PDE10A: variants seen among roughly 807,000 people sequenced by gnomAD.
PDE10A encodes phosphodiesterase 10A, also known as cAMP and cAMP-inhibited cGMP 3',5'-cyclic phosphodiesterase 10A.
A neutral mutation model predicts 97.7 loss-of-function variants in PDE10A; 39 were observed. The ratio of observed to expected loss-of-function variants is 0.40; its 90% CI spans 0.31 to 0.52. The LOEUF (loss-of-function observed/expected upper bound fraction) is 0.52, where lower values mean the gene tolerates loss of function less well. Among genes scored for constraint, PDE10A ranks in the 20% least tolerant of loss-of-function variants. The pLI is 0.56. For synonymous variants in PDE10A, 371 were observed against 376.8 expected, an observed-to-expected ratio of 0.98 and a Z score of 0.18; for missense variants, 731 against 1,047.8, an observed-to-expected ratio of 0.70 and a Z score of 4.17.
chr6:165,427,053 C>A (rs1442720230), intron 10 of PDE10A, among the ~76,000 whole-genome samples: 2 of 152,070 alleles, frequency 1.3e-5, no homozygotes, highest in South Asian at 4.1e-4. Context: ...GAAAGTTTGG[C>A]AGTTCCTCAA....
chr6:165,792,774 G>T (rs1042281624), intron 1 of PDE10A, among the ~76,000 whole-genome samples: 1 of 152,140 alleles, frequency 6.6e-6, no homozygotes, highest in Admixed American at 6.5e-5. Flanking sequence ...ACCCCTATCC[G>T]ACCTAACACG....
chr6:165,790,672 C>T (rs1023878836), intron 1 of PDE10A, among the ~76,000 whole-genome samples: 1 of 151,998 alleles, frequency 6.6e-6, no homozygotes, highest in Admixed American at 6.6e-5. Flanking sequence ...CCCCGTCAGC[C>T]GTCTCTGCCC....
At chr6:165,803,496 T>G (rs1409313979) in intron 1 of PDE10A, among the ~76,000 whole-genome samples, 1 of 152,154 alleles carries the variant, frequency 6.6e-6, no homozygotes, top group Non-Finnish European at 1.5e-5. Context: ...AAGAGACAAA[T>G]GCAAACCATG....
At chr6:165,957,912 C>A (rs1784185334) in intron 1 of PDE10A, among the ~76,000 whole-genome samples, 1 of 152,234 alleles carries the variant, frequency 6.6e-6, no homozygotes, top group Non-Finnish European at 1.5e-5. Flanking sequence ...GGCCGAAAAT[C>A]CAGCTCCTTC....
intron 1 of PDE10A, among the ~76,000 whole-genome samples, chr6:165,606,498 C>T (rs919318676): frequency 6.6e-6 from 1 of 152,134 alleles, no homozygotes. Context: ...AAGTGAGCGT[C>T]GCCTATTAAA....
At chr6:165,932,978 C>T (rs1295196115) in intron 1 of PDE10A, among the ~76,000 whole-genome samples, 2 of 152,198 alleles carry the variant, frequency 1.3e-5, no homozygotes, top group Non-Finnish European at 2.9e-5. Flanking sequence ...AGCCAGGCAG[C>T]AGTGGGCTCC....
At chr6:165,454,317 T>G (rs1446360111) in intron 3 of PDE10A, among the ~76,000 whole-genome samples, 4 of 152,192 alleles carry the variant, frequency 2.6e-5, no homozygotes. Context: ...TTAAGAACTT[T>G]GAGGCCACTG....
chr6:165,537,410 T>G (rs920843151), intron 2 of PDE10A, among the ~76,000 whole-genome samples: 4 of 152,084 alleles, frequency 2.6e-5, no homozygotes, highest in Admixed American at 6.5e-5. Context: ...AATAGTAGAT[T>G]TGGGATATTC....
At chr6:165,952,165 CG>C (rs1046113937) in intron 1 of PDE10A, among the ~76,000 whole-genome samples, 4 of 152,222 alleles carry the variant, frequency 2.6e-5, no homozygotes, top group African/African-American at 9.6e-5. Context: ...ATTCTGGCTC[CG>C]GAACGCCTCT....
At chr6:165,832,480 T>C (rs1328620550) in intron 1 of PDE10A, among the ~76,000 whole-genome samples, 1 of 152,082 alleles carries the variant, frequency 6.6e-6, no homozygotes, top group Non-Finnish European at 1.5e-5. Context: ...GCACATTGAG[T>C]GGGGACCTCA....
At chr6:165,791,969 G>A (rs1778667816) in intron 1 of PDE10A, among the ~76,000 whole-genome samples, 1 of 152,186 alleles carries the variant, frequency 6.6e-6, no homozygotes, top group Non-Finnish European at 1.5e-5. Flanking sequence ...CATCGGCCGT[G>A]AAACCACGAT....
intron 1 of PDE10A, among the ~76,000 whole-genome samples, chr6:165,565,608 C>T (rs953213105): frequency 1.3e-5 from 2 of 152,134 alleles, no homozygotes; most frequent in Non-Finnish European, 2.9e-5. Context: ...AGACAAAAGT[C>T]TCACAATAGC....
chr6:165,524,241 CCTGA>C (rs1358973709), intron 2 of PDE10A, among the ~76,000 whole-genome samples: 2 of 152,048 alleles, frequency 1.3e-5, no homozygotes, highest in Non-Finnish European at 2.9e-5. Flanking sequence ...TCTAGAGAAC[CCTGA>C]CTAATACAGA....
chr6:165,449,145 A>G (rs1791088324), intron 4 of PDE10A, among the ~76,000 whole-genome samples, 168 bp from the exon 5 acceptor site: 1 of 152,238 alleles, frequency 6.6e-6, no homozygotes, highest in South Asian at 2.1e-4. Flanking sequence ...ACTTAATAGC[A>G]TAATTAAAAT....
At chr6:165,755,074 A>C (rs1793086877) in intron 1 of PDE10A, among the ~76,000 whole-genome samples, 1 of 152,202 alleles carries the variant, frequency 6.6e-6, no homozygotes. Context: ...GGAGAGGGAC[A>C]CACTCTTAAG....
intron 10 of PDE10A, among the ~76,000 whole-genome samples, chr6:165,426,076 G>A (rs1447296350): frequency 6.6e-6 from 1 of 152,074 alleles, no homozygotes; most frequent in Non-Finnish European, 1.5e-5. Flanking sequence ...TCACGTTCGT[G>A]TATTAGAAGT....
intron 18 of PDE10A, among the ~76,000 whole-genome samples, chr6:165,372,567 T>C (rs183430562): frequency 4.7e-5 from 7 of 149,426 alleles, no homozygotes; most frequent in East Asian, 3.9e-4. Flanking sequence ...CACTGCTCAA[T>C]GAAATAAAAG....
chr6:165,586,407 C>T (rs7740364), intron 1 of PDE10A, among the ~76,000 whole-genome samples: 122,175 of 152,112 alleles, frequency 0.8, 51,791 homozygotes, highest in Non-Finnish European at 0.95. Flanking sequence ...GATGTCCTCC[C>T]TCCCACTATG....
chr6:165,540,603 G>A (rs945313020), intron 2 of PDE10A, among the ~76,000 whole-genome samples: 3 of 152,208 alleles, frequency 2.0e-5, no homozygotes, highest in East Asian at 1.9e-4. Flanking sequence ...GTGAAGCAAC[G>A]TGGAAGGAGA....
Sources: gnomAD v4.1 joint callset for allele counts (sites outside exome capture counted in the v4.1 genomes callset) on GRCh38, gnomAD v4.1.1 for gene constraint, MANE v1.5 for transcripts, NCBI Gene and HGNC (gene_info 2026-07-23, HGNC 2026-07-21) for gene names.